PTPRG: variants seen among roughly 807,000 people sequenced by gnomAD.
The protein encoded by PTPRG is protein tyrosine phosphatase receptor type G.
Under a neutral mutation model 165.3 loss-of-function variants are expected in PTPRG, and 102 were observed. The observed-to-expected ratio is 0.62, with a 90% CI of 0.53 to 0.73. The LOEUF (loss-of-function observed/expected upper bound fraction) is 0.73. PTPRG is among the 30% of genes least tolerant of loss of function. The probability of loss-of-function intolerance (pLI) is 0.00; values close to 1 mark genes in which losing one functional copy is unlikely to be tolerated. For missense variants in PTPRG, 1,866 were observed against 1,861.4 expected, an observed-to-expected ratio of 1.00 and a Z score of -0.05; for synonymous variants, 675 against 669.5, an observed-to-expected ratio of 1.01 and a Z score of -0.13.
intron 1 of PTPRG, among the ~76,000 whole-genome samples, chr3:61,669,579 AC>A: frequency 6.6e-6 from 1 of 151,742 alleles, no homozygotes; most frequent in East Asian, 1.9e-4. Flanking sequence ...TTATGACTGG[AC>A]CCCCGTGCCT....
At chr3:61,816,189 G>C (rs1186687020) in intron 2 of PTPRG, among the ~76,000 whole-genome samples, 1 of 152,184 alleles carries the variant, frequency 6.6e-6, no homozygotes, top group Non-Finnish European at 1.5e-5. Flanking sequence ...TAGGAATTGT[G>C]ACATGCTGTT....
intron 2 of PTPRG, among the ~76,000 whole-genome samples, chr3:61,959,322 G>A (rs7616155): frequency 0.11 from 16,907 of 152,112 alleles, 1,133 homozygotes; most frequent in African/African-American, 0.18. Context: ...CTGTCCTCAG[G>A]CTCCCAAGCC....
At chr3:62,102,526 C>G (rs1333880387) in intron 5 of PTPRG, among the ~76,000 whole-genome samples, 1 of 152,202 alleles carries the variant, frequency 6.6e-6, no homozygotes, top group Admixed American at 6.5e-5. Flanking sequence ...CCACCTAAGC[C>G]TCCCAAAGTG....
At chr3:62,028,174 C>T (rs1699634842) in intron 4 of PTPRG, among the ~76,000 whole-genome samples, 1 of 152,118 alleles carries the variant, frequency 6.6e-6, no homozygotes, top group Admixed American at 6.6e-5. Flanking sequence ...GAAAGGAGAG[C>T]CACTTTTAAA....
At position 62,191,643 on chromosome 3, in the gene PTPRG, A is replaced by G. The variant is rs778807385; in HGVS notation, c.1208A>G (p.Asp403Gly). Residue 403 changes from aspartate to glycine, a missense_variant, in exon 9 of 30, where the codon GAC becomes GGC. By Grantham distance (94) the Asp-to-Gly change is moderately conservative. This residue lies in a region of PTPRG where 1,452 missense variants were observed against 1,463.0 expected (regional missense o/e 0.99). Transcript: ENST00000474889. Reference protein sequence around the residue: ...EKEKTFTKDSDKDLKATISHV... With the variant: ...EKEKTFTKDSGKDLKATISHV... ...GAGAAGACGTTTACAAAGGACAGCG[A>G]CAAAGACTTGGTATGAAGCCCCTCC... is the stretch of plus-strand genomic sequence containing the variant. The G allele has an allele frequency of 1.2e-6, 2 of 1,614,080 alleles. No individual in the cohort carries two copies. The highest frequency in any genetic ancestry group is 3.3e-5 in the Admixed American group (2 of 60,018).
At chr3:61,716,967 A>G (rs1179715273) in intron 1 of PTPRG, among the ~76,000 whole-genome samples, 1 of 152,184 alleles carries the variant, frequency 6.6e-6, no homozygotes, top group African/African-American at 2.4e-5. Context: ...GTGAGACTCC[A>G]TGTCAACAAA....
intron 1 of PTPRG, among the ~76,000 whole-genome samples, chr3:61,639,389 G>A (rs1365696744): frequency 6.6e-6 from 1 of 152,044 alleles, no homozygotes; most frequent in African/African-American, 2.4e-5. Flanking sequence ...TTGGCTATTC[G>A]GGATCTTTTT....
At chr3:62,264,957 A>G (rs1002564029) in intron 17 of PTPRG, among the ~76,000 whole-genome samples, 3 of 116,352 alleles carry the variant, frequency 2.6e-5, no homozygotes, top group Admixed American at 8.2e-5. Flanking sequence ...AACTCTTACT[A>G]TTTAAAAAAA....
At chr3:62,158,980 AT>A (rs1449106572) in intron 7 of PTPRG, among the ~76,000 whole-genome samples, 1 of 151,488 alleles carries the variant, frequency 6.6e-6, no homozygotes, top group Non-Finnish European at 1.5e-5. Context: ...GGTGGAAGGA[AT>A]TTTTTTTTCA....
intron 12 of PTPRG, 84 bp from the exon 13 acceptor site, chr3:62,218,767 A>T (rs1700575572): frequency 6.7e-7 from 1 of 1,491,050 alleles, no homozygotes; most frequent in East Asian, 2.3e-5. Context: ...GAAACCACAC[A>T]AAACTGGAAC....
chr3:61,948,512 G>C (rs866120171), intron 2 of PTPRG, among the ~76,000 whole-genome samples: 1 of 152,144 alleles, frequency 6.6e-6, no homozygotes, highest in Non-Finnish European at 1.5e-5. Flanking sequence ...TCATGCTAGT[G>C]TTATGGGGGG....
Position 61,719,071 on chromosome 3 carries a change from G to A in PTPRG, c.86-29807G>A, listed in dbSNP as rs143257178. Among the ~76,000 whole-genome samples, 424 of 152,240 alleles carry A rather than the reference G, an allele frequency of 2.8e-3. 1 individual carries two copies. The highest frequency in any genetic ancestry group is 4.1e-3 in the Non-Finnish European group (277 of 68,006). ...AATTCCCAAACCTCATTTTAGGCAA[G>A]GATTTCCACTTCTCCTCTTGTAAAA... is the stretch of plus-strand genomic sequence containing the variant. On this transcript the variant is annotated intron_variant, in intron 1 of 29. Coordinates refer to ENST00000474889, the MANE Select transcript of PTPRG (RefSeq NM_002841.4).
intron 1 of PTPRG, among the ~76,000 whole-genome samples, chr3:61,621,852 C>T (rs767451440): frequency 3.3e-5 from 5 of 152,130 alleles, no homozygotes; most frequent in East Asian, 1.9e-4. Flanking sequence ...AAGTGGAGAT[C>T]GTTGCTAATG....
chr3:61,686,393 G>C (rs115202493), intron 1 of PTPRG, among the ~76,000 whole-genome samples: 2,703 of 152,344 alleles, frequency 0.018, 36 homozygotes, highest in South Asian at 0.05. Flanking sequence ...GGCCTGTGCC[G>C]TGAGTAGTTG....
At chr3:62,074,533 G>A (rs1249749165) in intron 4 of PTPRG, among the ~76,000 whole-genome samples, 1 of 151,368 alleles carries the variant, frequency 6.6e-6, no homozygotes, top group East Asian at 1.9e-4. Context: ...TAGAGATGAG[G>A]TCTCACTGTG....
At chr3:62,152,098 G>T (rs1246545107) in intron 6 of PTPRG, among the ~76,000 whole-genome samples, 1 of 152,150 alleles carries the variant, frequency 6.6e-6, no homozygotes, top group Non-Finnish European at 1.5e-5. Flanking sequence ...AGGCATATGG[G>T]CTCACAGCTG....
At chr3:62,268,160 G>T (rs116658897) in intron 19 of PTPRG, among the ~76,000 whole-genome samples, 179 of 152,036 alleles carry the variant, frequency 1.2e-3, no homozygotes, top group African/African-American at 3.8e-3. Flanking sequence ...AGAAGGAAAG[G>T]GTGTTCTAAG....
intron 2 of PTPRG, among the ~76,000 whole-genome samples, chr3:61,911,103 C>A (rs1281550440): frequency 6.6e-6 from 1 of 152,216 alleles, no homozygotes; most frequent in Non-Finnish European, 1.5e-5. Context: ...GAAAGCCCCT[C>A]TTGACCTTCA....
At position 62,124,179 on chromosome 3, in the gene PTPRG, A is replaced by C. The variant is rs2106901719; in HGVS notation, c.616-8423A>C. ...AATTTGTTGTTGTCGTTGTTGTGCA[A>C]AGAAAAAAAAGAAGTCATGATTATT... On this transcript the variant is annotated intron_variant, in intron 5 of 29. Transcript: ENST00000474889. 1.3e-5 allele frequency: 10 copies of C among 757,620 alleles called. No individual in the cohort carries two copies. The South Asian group carries it at 1.6e-4, about 12-fold the overall frequency. The allele number at this position is 757,620 out of a possible 1,614,324, so 46.9% of individuals were successfully genotyped here.
Sources: gnomAD v4.1 joint callset for allele counts (sites outside exome capture counted in the v4.1 genomes callset) on GRCh38, gnomAD v4.1.1 for gene constraint, gnomAD v4.1.1 regional missense constraint, MANE v1.5 for transcripts, NCBI Gene and HGNC (gene_info 2026-07-23, HGNC 2026-07-21) for gene names.